The following SOCS4 variants were observed in gnomAD, a reference collection of about 807,000 sequenced individuals.
SOCS4 encodes suppressor of cytokine signaling 4.
In SOCS4, 20 loss-of-function variants were observed where a neutral mutation model predicts 34.1. That is an observed-to-expected ratio of 0.59 (90% CI 0.41 to 0.85). The LOEUF is 0.85. Ranked by LOEUF, SOCS4 falls within the 40% of genes least tolerant of loss-of-function variation. SOCS4 has a pLI of 0.00. For missense variants in SOCS4, 479 were observed against 532.4 expected, an observed-to-expected ratio of 0.90 and a Z score of 0.99; for synonymous variants, 180 against 186.4, an observed-to-expected ratio of 0.97 and a Z score of 0.28.
At chr14:55,038,812 T>G (rs2042593884) in intron 2 of SOCS4, among the ~76,000 whole-genome samples, 1 of 152,228 alleles carries the variant, frequency 6.6e-6, no homozygotes, top group Admixed American at 6.5e-5. Flanking sequence ...TAGCACCCAG[T>G]GCCTGTGGGT....
rs1459955674 is a variant in SOCS4, at chr14:55,043,640, C to A, written c.599C>A (p.Thr200Asn). 3 of 1,614,040 alleles carry A rather than the reference C, an allele frequency of 1.9e-6. No homozygotes were observed. The African/African-American group carries it at 4.0e-5, about 22-fold the overall frequency. Reference protein sequence around the residue: ...HTNVQPCVITTDNALCREGPM... With the variant: ...HTNVQPCVITNDNALCREGPM... ...AATGTTCAGCCCTGTGTCATAACCA[C>A]CGACAATGCTTTGTGTAGAGAAGGT... Residue 200 changes from threonine to asparagine, a missense_variant, in exon 3 of 3, where the codon ACC (threonine) becomes AAC (asparagine). By Grantham distance (65) the Thr-to-Asn change is moderately conservative. Coordinates refer to ENST00000555846, the MANE Select transcript of SOCS4 (RefSeq NM_199421.2).
intron 2 of SOCS4, among the ~76,000 whole-genome samples, chr14:55,040,205 A>G (rs191916966): frequency 1.3e-5 from 2 of 152,362 alleles, no homozygotes; most frequent in African/African-American, 4.8e-5. Flanking sequence ...AAATTAAATA[A>G]GAAATACTTT....
At chr14:55,029,989 A>G (rs2042513973) in intron 1 of SOCS4, among the ~76,000 whole-genome samples, 1 of 152,192 alleles carries the variant, frequency 6.6e-6, no homozygotes, top group African/African-American at 2.4e-5. Flanking sequence ...AAGATGAGAT[A>G]ATCAGTGTTA....
At chr14:55,032,223 A>G (rs2042534930) in intron 2 of SOCS4, among the ~76,000 whole-genome samples, 1 of 152,228 alleles carries the variant, frequency 6.6e-6, no homozygotes, top group Non-Finnish European at 1.5e-5. Context: ...ATCCTACATC[A>G]TAGAGGATAC....
In SOCS4 at chr14:55,044,172, A is replaced by C. The variant is rs145972078; in HGVS notation, c.1131A>C (p.Leu377=). 2.9e-5 allele frequency: 47 copies of C among 1,613,918 alleles called. No individual in the cohort carries two copies. The highest frequency in any genetic ancestry group is 3.4e-5 in the Non-Finnish European group (40 of 1,179,972). Residue 377 remains leucine, a synonymous_variant, in exon 3 of 3, where the codon CTA becomes CTC. Transcript: ENST00000555846. Reference sequence around the variant, plus strand: ...CCTGTATGTTCTTTGAACCACTTCTATCCACTCCCTTAATTCGGACTTTCC... The same window carrying C: ...CCTGTATGTTCTTTGAACCACTTCTCTCCACTCCCTTAATTCGGACTTTCC... ...PSACMFFEPL[L]STPLIRTFPF... is the part of the protein sequence containing the mutation.
At chr14:55,039,498 A>G (rs2042599251) in intron 2 of SOCS4, among the ~76,000 whole-genome samples, 1 of 152,216 alleles carries the variant, frequency 6.6e-6, no homozygotes, top group Non-Finnish European at 1.5e-5. Flanking sequence ...TATAATAATC[A>G]CTGAAACATT....
rs2042699707 is a variant in SOCS4, at chr14:55,048,785, A to G, written c.*4421A>G. The G allele has an allele frequency of 6.0e-6, 1 of 167,026 alleles. No homozygotes were observed. The highest frequency in any genetic ancestry group is 2.1e-4 in the South Asian group (1 of 4,836). The allele number at this position is 167,026 out of a possible 1,614,324, so 10.3% of individuals were successfully genotyped here. A position where few individuals can be genotyped will look rare whatever the true frequency, so the allele number is the denominator to read the frequency against. On this transcript the variant is annotated 3_prime_UTR_variant, in exon 3 of 3. Coordinates refer to ENST00000555846, the MANE Select transcript of SOCS4 (RefSeq NM_199421.2). ...TCCTAAATCTTTGCCTTTATTTCCT[A>G]TAAAATGTAGGTGATACTTGTAACT...
At chr14:55,040,268 C>A (rs2140247108) in intron 2 of SOCS4, among the ~76,000 whole-genome samples, 1 of 152,308 alleles carries the variant, frequency 6.6e-6, no homozygotes, top group South Asian at 2.1e-4. Context: ...AATCAAAATA[C>A]AGTTGTCTCT....
At chr14:55,033,867 G>A (rs772025598) in intron 2 of SOCS4, among the ~76,000 whole-genome samples, 5 of 152,094 alleles carry the variant, frequency 3.3e-5, no homozygotes, top group African/African-American at 7.2e-5. Context: ...GCACGGTGGC[G>A]CATGCCTGTA....
Position 55,043,606 on chromosome 14 carries a change from T to C in SOCS4, c.565T>C (p.Ser189Pro), listed in dbSNP as rs757698364. 6 of 1,614,174 alleles carry C rather than the reference T, an allele frequency of 3.7e-6. No homozygotes were observed. The South Asian group carries it at 5.5e-5, about 15-fold the overall frequency. ...TATGGAAGAAAATATAAACTGTTTC[T>C]CACATACCAATGTTCAGCCCTGTGT... ...RNMEENINCF[S>P]HTNVQPCVIT... The change falls in exon 3 of 3, where the codon TCA becomes CCA. Residue 189 changes from serine (S) to proline (P), a missense_variant. Ser to Pro is a moderately conservative substitution (Grantham distance 74). Coordinates refer to ENST00000555846, the MANE Select transcript of SOCS4 (RefSeq NM_199421.2).
intron 2 of SOCS4, among the ~76,000 whole-genome samples, chr14:55,041,719 C>T (rs377260944): frequency 4.6e-5 from 7 of 150,992 alleles, no homozygotes; most frequent in South Asian, 4.2e-4. Flanking sequence ...ATGATCCACC[C>T]GCCTCAGCCT....
chr14:55,045,704 A>G lies in SOCS4; in HGVS notation c.*1340A>G, dbSNP rs529533885. 2.4e-5 allele frequency: 4 copies of G among 167,088 alleles called. No homozygotes were observed. In the South Asian group the frequency reaches 8.3e-4, roughly 35 times the overall value. The allele number at this position is 167,088 out of a possible 1,614,324, so 10.4% of individuals were successfully genotyped here. A position where few individuals can be genotyped will look rare whatever the true frequency, so the allele number is the denominator to read the frequency against. On this transcript the variant is annotated 3_prime_UTR_variant, in exon 3 of 3. Coordinates refer to ENST00000555846, the MANE Select transcript of SOCS4 (RefSeq NM_199421.2). The stretch of plus-strand genomic sequence containing the variant: ...TCTTCTTTTTTTAAGGAATCAATGA[A>G]TAATAAATGTAGATAGACAATTTTC...
At chr14:55,038,916 T>C (rs1373614120) in intron 2 of SOCS4, among the ~76,000 whole-genome samples, 2 of 152,242 alleles carry the variant, frequency 1.3e-5, no homozygotes, top group Admixed American at 6.5e-5. Context: ...GAGTCAGTTA[T>C]TGTTCATTTG....
chr14:55,048,448 G>A lies in SOCS4; in HGVS notation c.*4084G>A, dbSNP rs1348254054. ...TGCCCAAGTGAATAAAAGATTTTTCGTCAAGCAAACTACTGTTTCTACTTT... is the reference window on the plus strand; with the variant it reads ...TGCCCAAGTGAATAAAAGATTTTTCATCAAGCAAACTACTGTTTCTACTTT... On this transcript the variant is annotated 3_prime_UTR_variant, in exon 3 of 3. Transcript: ENST00000555846. The A allele has an allele frequency of 6.0e-6, 1 of 166,912 alleles. No homozygotes were observed. The highest frequency in any genetic ancestry group is 6.5e-5 in the Admixed American group (1 of 15,280). 10.3% of individuals were successfully genotyped at this position (166,912 alleles called of 1,614,324 possible).
intron 1 of SOCS4, among the ~76,000 whole-genome samples, chr14:55,028,824 T>G (rs1235295874): frequency 6.6e-6 from 1 of 152,208 alleles, no homozygotes; most frequent in Non-Finnish European, 1.5e-5. Context: ...ACTGACACAT[T>G]GTGTGACCTT....
rs1056253030 is a variant in SOCS4 at position 55,044,844 on chromosome 14, G to T, written c.*480G>T. ...CCCCGTCCCCCTTTTCATTGAGTTT[G>T]ATATTCTTCAGTAAAGCTGAATGTT... On this transcript the variant is annotated 3_prime_UTR_variant, in exon 3 of 3. Coordinates refer to ENST00000555846, the MANE Select transcript of SOCS4 (RefSeq NM_199421.2). The T allele has an allele frequency of 6.0e-6, 1 of 166,978 alleles. No homozygotes were observed. The highest frequency in any genetic ancestry group is 1.5e-5 in the Non-Finnish European group (1 of 68,136). The allele number at this position is 166,978 out of a possible 1,614,324, so 10.3% of individuals were successfully genotyped here.
chr14:55,044,498 AT>A lies in SOCS4; in HGVS notation c.*135del. 1.8e-6 allele frequency: 1 copy of A among 570,014 alleles called. No individual in the cohort carries two copies. The highest frequency in any genetic ancestry group is 3.8e-5 in the East Asian group (1 of 25,996). The allele number at this position is 570,014 out of a possible 1,614,324, so 35.3% of individuals were successfully genotyped here. On this transcript the variant is annotated 3_prime_UTR_variant, in exon 3 of 3. Coordinates refer to ENST00000555846, the MANE Select transcript of SOCS4 (RefSeq NM_199421.2). Reference sequence around the variant, plus strand: ...AAAATCTCTGCCCTAAATTTTACTAATAAATCCATTTTTCTAGTGATACACA... The same window carrying A: ...AAAATCTCTGCCCTAAATTTTACTAAAAATCCATTTTTCTAGTGATACACA...
rs763944944 is a variant in SOCS4 at position 55,043,542 on chromosome 14, T to G, written c.501T>G (p.Ser167=). ...ATGAATGGGTAAGCACAGACTTGTC[T>G]CAGACTGAATTGAGGGATGGTCAGC... ...KSDEWVSTDL[S]QTELRDGQLK... is the part of the protein sequence containing the mutation. The change falls in exon 3 of 3, where the codon TCT becomes TCG. Residue 167 remains serine (S), a synonymous_variant. Coordinates refer to ENST00000555846, the MANE Select transcript of SOCS4 (RefSeq NM_199421.2). 29 of 1,614,056 alleles carry G rather than the reference T, an allele frequency of 1.8e-5. No individual in the cohort carries two copies. In the Admixed American group the frequency reaches 4.8e-4, roughly 27 times the overall value.
In SOCS4 at chr14:55,034,628, T is replaced by C. The variant is rs183683913; in HGVS notation, c.-91+2637T>C. The stretch of plus-strand genomic sequence containing the variant: ...GCAGGTGGATCACGAGGTCAGGAGT[T>C]CAAGACCAGCCTGGCCAAGATGGTG... On this transcript the variant is annotated intron_variant, in intron 2 of 2. Transcript: ENST00000555846. 1.3e-3 allele frequency among the ~76,000 whole-genome samples: 192 copies of C among 151,758 alleles called. 1 individual carries two copies. The highest frequency in any genetic ancestry group is 3.4e-3 in the Middle Eastern group (1 of 294).
Sources: gnomAD v4.1 joint callset for allele counts (sites outside exome capture counted in the v4.1 genomes callset) on GRCh38, gnomAD v4.1.1 for gene constraint, MANE v1.5 for transcripts, NCBI Gene and HGNC (gene_info 2026-07-23, HGNC 2026-07-21) for gene names.